Variants in PRODH2 observed in about 807,000 individuals in gnomAD.
The protein encoded by PRODH2 is proline dehydrogenase 2, also known as hydroxyproline dehydrogenase.
Under a neutral mutation model 51.9 loss-of-function variants are expected in PRODH2, and 49 were observed. That is an observed-to-expected ratio of 0.94 (90% CI 0.75 to 1.20). PRODH2 has a LOEUF of 1.20. Ranked by LOEUF, PRODH2 falls within the 50% of genes most tolerant of loss-of-function variation. The probability of loss-of-function intolerance (pLI) is 0.00; values close to 1 mark genes in which losing one functional copy is unlikely to be tolerated. For missense variants in PRODH2, 597 were observed against 610.9 expected (o/e 0.98, Z 0.24); for synonymous variants, 249 against 260.7 (o/e 0.96, Z 0.43).
intron 9 of PRODH2, 139 bp from the exon 10 acceptor site, chr19:35,800,361 G>T: frequency 1.3e-6 from 1 of 751,022 alleles, no homozygotes; most frequent in Non-Finnish European, 2.0e-6. Context: ...CGATTCTCAT[G>T]CCTCAGCCTC....
intron 8 of PRODH2, chr19:35,802,516 T>C (rs970888571): frequency 1.7e-6 from 1 of 579,490 alleles, no homozygotes; most frequent in Non-Finnish European, 3.1e-6. Context: ...CTTGTCCATC[T>C]GGGACCTATA....
Position 35,806,483 on chromosome 19 carries a change from C to A in PRODH2, c.948G>T (p.Gln316His), listed in dbSNP as rs1972512361. The change falls in exon 7 of 10, where the codon CAG (glutamine) becomes CAT (histidine). Residue 316 changes from glutamine (Q) to histidine (H), a missense_variant. Gln to His is a conservative substitution (Grantham distance 24). Transcript: ENST00000653904. ...AYLDKERAVA[Q>H]LHGMEDPTQP... ...GAGTGGGGTCTTCCATCCCATGGAG[C>A]TGGGCCACCGCTCTCTCCTTGTCCA... The A allele has an allele frequency of 3.1e-6, 5 of 1,614,060 alleles. No homozygotes were observed. The highest frequency in any genetic ancestry group is 4.2e-6 in the Non-Finnish European group (5 of 1,180,048).
intron 7 of PRODH2, among the ~76,000 whole-genome samples, chr19:35,804,782 A>T (rs992929242): frequency 6.6e-6 from 1 of 152,160 alleles, no homozygotes; most frequent in Non-Finnish European, 1.5e-5. Context: ...ACAAAAATAA[A>T]AAAATGTGTT....
intron 4 of PRODH2, 110 bp from the exon 5 acceptor site, chr19:35,807,231 G>A: frequency 9.5e-7 from 1 of 1,052,762 alleles, no homozygotes; most frequent in Non-Finnish European, 1.4e-6. Flanking sequence ...CCTAGAATCA[G>A]GGCTCGAATC....
chr19:35,800,294 G>A (rs1972400438), intron 9 of PRODH2, 72 bp from the exon 10 acceptor site: 1 of 1,382,320 alleles, frequency 7.2e-7, no homozygotes, highest in African/African-American at 1.5e-5. Flanking sequence ...CTGTTGCCCA[G>A]GCTGGAGTGC....
rs1409284016 is a variant in PRODH2, at chr19:35,812,445, A to G, written c.286T>C (p.Cys96Arg). 6.2e-7 allele frequency: 1 copy of G among 1,614,218 alleles called. No individual in the cohort carries two copies. Among genetic ancestry groups the G allele is most frequent in the African/African-American group, 1.3e-5 (1 of 75,078 alleles). Residue 96 changes from cysteine to arginine, a missense_variant, in exon 2 of 10, where the codon TGC (cysteine) becomes CGC (arginine). Physicochemically the swap from Cys to Arg is radical, Grantham distance 180 (BLOSUM62 -3). Transcript: ENST00000653904. ...AGETAEEVKG[C>R]VQQLRTLSLR... Reference sequence around the variant, plus strand: ...CTGAGGGTCCGCAGCTGCTGCACGCAGCCCTTCACCTCCTCTGCTGTCTCA... The same window carrying G: ...CTGAGGGTCCGCAGCTGCTGCACGCGGCCCTTCACCTCCTCTGCTGTCTCA...
At chr19:35,811,938 G>A (rs772918559) in intron 4 of PRODH2, 24 bp downstream of exon 4, 34 of 1,610,536 alleles carry the variant, frequency 2.1e-5, no homozygotes, top group Non-Finnish European at 2.6e-5. Context: ...CTCTGTCCCC[G>A]ACAGTCCCGC....
intron 7 of PRODH2, among the ~76,000 whole-genome samples, chr19:35,806,020 C>CA (rs1972505175): frequency 6.6e-6 from 1 of 152,126 alleles, no homozygotes; most frequent in Admixed American, 6.6e-5. Flanking sequence ...AGGGAAGTGA[C>CA]AGGGAGCATG....
chr19:35,802,323 A>G, intron 8 of PRODH2, 47 bp from the exon 9 acceptor site: 1 of 1,572,642 alleles, frequency 6.4e-7, no homozygotes, highest in Non-Finnish European at 8.8e-7. Context: ...CTGCATCTAC[A>G]GCTTAAAGTC....
At position 35,802,273 on chromosome 19, in the gene PRODH2, C is replaced by T. The variant is rs1325499874; in HGVS notation, c.1116G>A (p.Met372Ile). The T allele has an allele frequency of 4.3e-6, 7 of 1,614,060 alleles. No individual in the cohort carries two copies. In the Admixed American group the frequency reaches 5.0e-5, roughly 12 times the overall value. Residue 372 changes from methionine to isoleucine, a missense_variant, in exon 9 of 10, where the codon ATG becomes ATA. Transcript: ENST00000653904. ...EESVRQATKRMWELGIPLDGT... is the reference protein window; with the variant it reads ...EESVRQATKRIWELGIPLDGT... ...CATCCAGAGGAATGCCCAGCTCCCA[C>T]ATGCTACAGAAAAGGCCACATCATC...
chr19:35,803,578 G>T (rs890899800), intron 7 of PRODH2, among the ~76,000 whole-genome samples: 1 of 152,206 alleles, frequency 6.6e-6, no homozygotes, highest in Admixed American at 6.5e-5. Flanking sequence ...TTGTCACTGT[G>T]AGTTTCCGAG....
intron 4 of PRODH2, among the ~76,000 whole-genome samples, chr19:35,809,883 C>T (rs1021391914): frequency 9.5e-5 from 12 of 126,260 alleles, no homozygotes; most frequent in South Asian, 5.4e-4. Flanking sequence ...CGTTTGAACC[C>T]GGGAGGCGGA....
rs142659188 is a variant in PRODH2 at position 35,800,100 on chromosome 19, C to T, written c.1321G>A (p.Glu441Lys). ...SVLQGARREQ[E>K]LLSQELWRRL... ...CGCCACAGTTCTTGGCTGAGCAGCT[C>T]CTGTTCCCTGCGGGCACCCTGAAGC... is the stretch of plus-strand genomic sequence containing the variant. Residue 441 changes from glutamate to lysine, a missense_variant, in exon 10 of 10, where the codon GAG becomes AAG. By Grantham distance (56) the Glu-to-Lys change is moderately conservative. Transcript: ENST00000653904. 3.3e-5 allele frequency: 53 copies of T among 1,611,612 alleles called. No homozygotes were observed. In the South Asian group the frequency reaches 3.5e-4, roughly 11 times the overall value.
At chr19:35,806,970 G>C in intron 5 of PRODH2, 71 bp downstream of exon 5, 2 of 1,543,412 alleles carry the variant, frequency 1.3e-6, no homozygotes, top group Non-Finnish European at 1.7e-6. Flanking sequence ...CAGCAGGAGG[G>C]GTTACCTGTG....
chr19:35,800,649 T>C (rs929815952), intron 9 of PRODH2, among the ~76,000 whole-genome samples: 5 of 151,862 alleles, frequency 3.3e-5, no homozygotes, highest in African/African-American at 1.2e-4. Flanking sequence ...ATTAAGTGAG[T>C]TGGATAAAAT....
At chr19:35,803,236 T>A (rs1972461217) in intron 7 of PRODH2, among the ~76,000 whole-genome samples, 158 bp from the exon 8 acceptor site, 1 of 152,046 alleles carries the variant, frequency 6.6e-6, no homozygotes, top group African/African-American at 2.4e-5. Flanking sequence ...GCCACTTTCA[T>A]CTTCTGGGGT....
chr19:35,807,825 G>C (rs923903988), intron 4 of PRODH2, among the ~76,000 whole-genome samples: 1 of 152,082 alleles, frequency 6.6e-6, no homozygotes, highest in African/African-American at 2.4e-5. Context: ...GCCCAGGCTG[G>C]AATGCAGTGG....
At chr19:35,805,213 AT>A (rs1375604047) in intron 7 of PRODH2, among the ~76,000 whole-genome samples, 3 of 152,196 alleles carry the variant, frequency 2.0e-5, no homozygotes, top group Non-Finnish European at 4.4e-5. Context: ...ACATGTTAAA[AT>A]TGTGAATTCT....
chr19:35,807,153 T>G, intron 4 of PRODH2, 32 bp from the exon 5 acceptor site: 1 of 1,499,768 alleles, frequency 6.7e-7, no homozygotes, highest in Non-Finnish European at 9.1e-7. Context: ...GGGGAAAAGC[T>G]TATAAGTTGC....
Sources: gnomAD v4.1 joint callset for allele counts (sites outside exome capture counted in the v4.1 genomes callset) on GRCh38, gnomAD v4.1.1 for gene constraint, MANE v1.5 for transcripts, NCBI Gene and HGNC (gene_info 2026-07-23, HGNC 2026-07-21) for gene names.